Variants in RNF111 observed in about 807,000 individuals in gnomAD.
RNF111 encodes E3 ubiquitin-protein ligase Arkadia.
Under a neutral mutation model 95.1 loss-of-function variants are expected in RNF111, and 17 were observed. The ratio of observed to expected loss-of-function variants is 0.18; its 90% CI spans 0.12 to 0.27. The LOEUF (loss-of-function observed/expected upper bound fraction) is 0.27. Ranked by LOEUF, RNF111 falls within the 10% of genes least tolerant of loss-of-function variation. The pLI, the probability that RNF111 is intolerant of heterozygous loss-of-function variation, is 1.00. For synonymous variants in RNF111, 440 were observed against 414.8 expected, an observed-to-expected ratio of 1.06 and a Z score of -0.74; for missense variants, 1,189 against 1,210.4, an observed-to-expected ratio of 0.98 and a Z score of 0.26.
chr15:59,035,872 C>T (rs2041152385), intron 2 of RNF111, among the ~76,000 whole-genome samples: 2 of 152,262 alleles, frequency 1.3e-5, no homozygotes, highest in Non-Finnish European at 2.9e-5. Flanking sequence ...CTAGGAAGTT[C>T]CAAACTTCCC....
At chr15:59,016,064 C>G (rs1452110334) in intron 1 of RNF111, among the ~76,000 whole-genome samples, 2 of 151,642 alleles carry the variant, frequency 1.3e-5, no homozygotes, top group African/African-American at 2.4e-5. Flanking sequence ...TTTTGACCTC[C>G]TAGCTCAAGC....
At position 59,089,732 on chromosome 15, in the gene RNF111, C is replaced by G. The variant is rs755302766; in HGVS notation, c.2616C>G (p.Phe872Leu). 6.2e-7 allele frequency: 1 copy of G among 1,613,420 alleles called. No homozygotes were observed. Among genetic ancestry groups the G allele is most frequent in the Non-Finnish European group, 8.5e-7 (1 of 1,179,604 alleles). Residue 872 changes from phenylalanine (F) to leucine (L), a missense_variant, in exon 11 of 14, where the codon TTC (phenylalanine) becomes TTG (leucine). Phe to Leu is a conservative substitution (Grantham distance 22). Around this residue, in one of 2 missense-constraint regions of RNF111, gnomAD observed 165 missense variants for 284.6 expected, o/e 0.58. Transcript: ENST00000348370. ...YISSGLDGTS[F>L]RGPFRGNFEE... Reference sequence around the variant, plus strand: ...CATCAGGATTGGATGGAACATCATTCAGAGGTCCTTTCAGGGGCAATTTTG... The same window carrying G: ...CATCAGGATTGGATGGAACATCATTGAGAGGTCCTTTCAGGGGCAATTTTG...
intron 2 of RNF111, among the ~76,000 whole-genome samples, chr15:59,046,863 A>G (rs560426104): frequency 1.3e-5 from 2 of 152,256 alleles, no homozygotes; most frequent in South Asian, 2.1e-4. Context: ...GGAACTCTTT[A>G]TTTTTTATTA....
At chr15:59,061,447 A>T (rs1375815697) in intron 5 of RNF111, among the ~76,000 whole-genome samples, 2 of 152,202 alleles carry the variant, frequency 1.3e-5, no homozygotes, top group Non-Finnish European at 2.9e-5. Context: ...TGTCTTGATC[A>T]GTTCCCTTTC....
At chr15:59,068,203 G>C (rs867954790) in intron 6 of RNF111, among the ~76,000 whole-genome samples, 62 of 152,118 alleles carry the variant, frequency 4.1e-4, no homozygotes, top group African/African-American at 8.9e-4. Context: ...CTGGGCGACA[G>C]AGTGAGATGC....
chr15:59,059,465 TA>T (rs2042342060), intron 5 of RNF111, among the ~76,000 whole-genome samples: 1 of 152,236 alleles, frequency 6.6e-6, no homozygotes, highest in African/African-American at 2.4e-5. Flanking sequence ...CTCAGAAAGT[TA>T]AAATAGAGTT....
At chr15:59,008,970 ATTTTTT>A (rs748737478) in intron 1 of RNF111, among the ~76,000 whole-genome samples, 103 of 150,958 alleles carry the variant, frequency 6.8e-4, no homozygotes, top group African/African-American at 2.4e-3. Flanking sequence ...ATTTTATTTT[ATTTTTT>A]TGAGACAGAG....
At chr15:59,029,458 C>T (rs894663018) in intron 1 of RNF111, among the ~76,000 whole-genome samples, 22 of 152,152 alleles carry the variant, frequency 1.4e-4, no homozygotes, top group African/African-American at 5.1e-4. Context: ...ACTGCCTGTG[C>T]TTGTGAATAA....
intron 1 of RNF111, among the ~76,000 whole-genome samples, chr15:59,014,474 C>G (rs1211588526): frequency 6.6e-6 from 1 of 152,166 alleles, no homozygotes; most frequent in Admixed American, 6.5e-5. Context: ...ACATTTGTAT[C>G]ATAATACTTG....
chr15:59,050,920 A>G (rs2041949417), intron 2 of RNF111, among the ~76,000 whole-genome samples: 1 of 152,206 alleles, frequency 6.6e-6, no homozygotes, highest in Non-Finnish European at 1.5e-5. Flanking sequence ...TCAAAAATTA[A>G]TGGGGTAAAA....
chr15:59,091,170 A>C lies in RNF111; in HGVS notation c.2739+16A>C, dbSNP rs113771587. On this transcript the variant is annotated intron_variant, in intron 12 of 13. Coordinates refer to ENST00000348370, the MANE Select transcript of RNF111 (RefSeq NM_017610.8). ...ATACAAAAAGGTAAGAATTTATTCT[A>C]TGAAACTTCTGGAGTGTTACTGAAA... 1 of 1,458,214 alleles carries C rather than the reference A, an allele frequency of 6.9e-7. No individual in the cohort carries two copies. Among genetic ancestry groups the C allele is most frequent in the Admixed American group, 1.7e-5 (1 of 58,370 alleles). 90.3% of individuals were successfully genotyped at this position (1,458,214 alleles called of 1,614,324 possible). A position where few individuals can be genotyped will look rare whatever the true frequency, so the allele number is the denominator to read the frequency against.
At chr15:59,043,782 A>G (rs1278014182) in intron 2 of RNF111, among the ~76,000 whole-genome samples, 1 of 152,198 alleles carries the variant, frequency 6.6e-6, no homozygotes, top group African/African-American at 2.4e-5. Flanking sequence ...AGCAGTGGCA[A>G]AAGCATCTGG....
chr15:59,033,895 A>G (rs747068126), intron 2 of RNF111, among the ~76,000 whole-genome samples: 5 of 152,210 alleles, frequency 3.3e-5, no homozygotes, highest in Admixed American at 6.5e-5. Flanking sequence ...AGTACATTCA[A>G]TGTTTTCTGG....
intron 1 of RNF111, among the ~76,000 whole-genome samples, chr15:59,014,812 G>GT (rs1253953036): frequency 6.6e-6 from 1 of 151,086 alleles, no homozygotes; most frequent in Non-Finnish European, 1.5e-5. Flanking sequence ...CTGGAGTGCA[G>GT]TGGCACCATC....
chr15:59,037,600 G>A (rs1462147838), intron 2 of RNF111, among the ~76,000 whole-genome samples: 1 of 152,142 alleles, frequency 6.6e-6, no homozygotes, highest in Non-Finnish European at 1.5e-5. Flanking sequence ...ACTTTGGGAG[G>A]CCAAGGCAGG....
intron 5 of RNF111, among the ~76,000 whole-genome samples, chr15:59,066,252 T>C (rs1165995094): frequency 6.6e-6 from 1 of 152,204 alleles, no homozygotes; most frequent in Non-Finnish European, 1.5e-5. Flanking sequence ...CTGAAGAATT[T>C]AGAGTTTCAG....
intron 1 of RNF111, among the ~76,000 whole-genome samples, chr15:59,030,553 A>C (rs1319168284): frequency 1.3e-5 from 2 of 152,204 alleles, no homozygotes; most frequent in Non-Finnish European, 2.9e-5. Context: ...TTTGGTTAAT[A>C]GAAGTTTTTA....
chr15:59,057,089 C>A (rs1268899978), intron 4 of RNF111, among the ~76,000 whole-genome samples: 1 of 152,118 alleles, frequency 6.6e-6, no homozygotes, highest in African/African-American at 2.4e-5. Flanking sequence ...GCAGTTTTCT[C>A]CCCCAAGTGA....
intron 1 of RNF111, among the ~76,000 whole-genome samples, chr15:59,021,011 C>G (rs1006078999): frequency 3.9e-5 from 6 of 151,914 alleles, no homozygotes; most frequent in Non-Finnish European, 8.8e-5. Flanking sequence ...TTTGGTGCAC[C>G]CATCACCTGA....
Sources: gnomAD v4.1 joint callset for allele counts (sites outside exome capture counted in the v4.1 genomes callset) on GRCh38, gnomAD v4.1.1 for gene constraint, gnomAD v4.1.1 regional missense constraint, MANE v1.5 for transcripts, NCBI Gene and HGNC (gene_info 2026-07-23, HGNC 2026-07-21) for gene names.